The following SH3PXD2A variants were observed in gnomAD, a reference collection of about 807,000 sequenced individuals.
The protein encoded by SH3PXD2A is SH3 and PX domain-containing protein 2A.
In SH3PXD2A, 32 loss-of-function variants were observed where a neutral mutation model predicts 115.2. The observed-to-expected ratio is 0.28, with a 90% CI of 0.21 to 0.37. The LOEUF (loss-of-function observed/expected upper bound fraction) is 0.37. SH3PXD2A is among the 10% of genes least tolerant of loss of function. The probability of loss-of-function intolerance (pLI) is 1.00; values close to 1 mark genes in which losing one functional copy is unlikely to be tolerated. For missense variants in SH3PXD2A, 1,328 were observed against 1,498.7 expected (o/e 0.89, Z 1.88); for synonymous variants, 610 against 629.1 (o/e 0.97, Z 0.45).
At chr10:103,662,621 G>A (rs1200500512) in intron 7 of SH3PXD2A, among the ~76,000 whole-genome samples, 1 of 150,666 alleles carries the variant, frequency 6.6e-6, no homozygotes, top group South Asian at 2.1e-4. Context: ...GGATGGTCTC[G>A]ATCTCCTGAC....
chr10:103,631,490 T>G (rs1011858889), intron 8 of SH3PXD2A, among the ~76,000 whole-genome samples: 2 of 152,186 alleles, frequency 1.3e-5, no homozygotes, highest in Non-Finnish European at 2.9e-5. Context: ...GGGGGACTAC[T>G]GTATCTGGAG....
chr10:103,618,868 C>A (rs1206834328), intron 10 of SH3PXD2A, among the ~76,000 whole-genome samples: 1 of 152,174 alleles, frequency 6.6e-6, no homozygotes, highest in Non-Finnish European at 1.5e-5. Flanking sequence ...CACCCCAACC[C>A]CCAGCTGTGG....
intron 5 of SH3PXD2A, among the ~76,000 whole-genome samples, chr10:103,720,022 A>T (rs1251749633): frequency 6.6e-6 from 1 of 152,180 alleles, no homozygotes. Flanking sequence ...GCCCGGCCAC[A>T]CTAGGTAATT....
At chr10:103,795,423 A>T (rs1391521018) in intron 2 of SH3PXD2A, among the ~76,000 whole-genome samples, 1 of 152,158 alleles carries the variant, frequency 6.6e-6, no homozygotes, top group East Asian at 1.9e-4. Context: ...CCTGGTGCTC[A>T]TGGATGGATT....
intron 6 of SH3PXD2A, among the ~76,000 whole-genome samples, chr10:103,674,176 G>A (rs2037498664): frequency 6.6e-6 from 1 of 152,140 alleles, no homozygotes; most frequent in Non-Finnish European, 1.5e-5. Flanking sequence ...TTCTGGTTAG[G>A]AAACCAGGAA....
At chr10:103,694,321 G>C (rs1294370108) in intron 5 of SH3PXD2A, among the ~76,000 whole-genome samples, 1 of 152,204 alleles carries the variant, frequency 6.6e-6, no homozygotes, top group African/African-American at 2.4e-5. Context: ...TCTCTTGGAG[G>C]AAGAGGCAGC....
At chr10:103,778,957 A>G (rs1308512654) in intron 2 of SH3PXD2A, among the ~76,000 whole-genome samples, 2 of 152,220 alleles carry the variant, frequency 1.3e-5, no homozygotes, top group African/African-American at 4.8e-5. Context: ...AGCTAGTGAC[A>G]AAAGGAGTCA....
chr10:103,692,337 C>G (rs551979919), intron 6 of SH3PXD2A, among the ~76,000 whole-genome samples: 6 of 152,230 alleles, frequency 3.9e-5, no homozygotes, highest in African/African-American at 4.8e-5. Flanking sequence ...GCCTCCACCC[C>G]CTTCCAAACT....
chr10:103,826,878 G>A (rs950494450), intron 1 of SH3PXD2A, among the ~76,000 whole-genome samples: 23 of 152,186 alleles, frequency 1.5e-4, no homozygotes, highest in African/African-American at 5.3e-4. Context: ...CATAAGGTTG[G>A]CAAAGGGTAG....
In SH3PXD2A at chr10:103,855,302, TCACCTTCTCA is replaced by T; in HGVS notation, c.-46_-37del. The T allele has an allele frequency of 1.3e-6, 2 of 1,485,340 alleles. No homozygotes were observed. Among genetic ancestry groups the T allele is most frequent in the Non-Finnish European group, 1.8e-6 (2 of 1,106,320 alleles). 92.0% of individuals were successfully genotyped at this position (1,485,340 alleles called of 1,614,324 possible). A position where few individuals can be genotyped will look rare whatever the true frequency, so the allele number is the denominator to read the frequency against. On this transcript the variant is annotated 5_prime_UTR_variant, in exon 1 of 15. The change abolishes an upstream ATG in the 5' untranslated region. Coordinates refer to ENST00000369774, the MANE Select transcript of SH3PXD2A (RefSeq NM_001394015.1). ...AAAGCGAGTGGCGCCCCCGGCGGCG[TCACCTTCTCA>T]TCCCGGCCGGGCTCCGGCTCCTTCT...
intron 4 of SH3PXD2A, among the ~76,000 whole-genome samples, chr10:103,726,230 TC>T (rs1464757784): frequency 6.6e-6 from 1 of 152,118 alleles, no homozygotes; most frequent in Non-Finnish European, 1.5e-5. Context: ...CAGGACCCTG[TC>T]CCATACCCCT....
At chr10:103,794,323 A>C (rs887334793) in intron 2 of SH3PXD2A, among the ~76,000 whole-genome samples, 6 of 152,210 alleles carry the variant, frequency 3.9e-5, no homozygotes, top group African/African-American at 9.7e-5. Context: ...GGGGAAAATA[A>C]AGGGCCTCTC....
At chr10:103,751,026 G>C (rs530257395) in intron 3 of SH3PXD2A, among the ~76,000 whole-genome samples, 19 of 152,218 alleles carry the variant, frequency 1.2e-4, no homozygotes, top group Non-Finnish European at 2.1e-4. Flanking sequence ...AGCTGTCTCA[G>C]CTCCAGGCAT....
chr10:103,818,942 G>C (rs185174597), intron 1 of SH3PXD2A, among the ~76,000 whole-genome samples: 1 of 152,158 alleles, frequency 6.6e-6, no homozygotes, highest in Non-Finnish European at 1.5e-5. Flanking sequence ...ATGCCTGACC[G>C]TTCCCCCAAC....
At chr10:103,606,102 G>A (rs952970892) in intron 13 of SH3PXD2A, among the ~76,000 whole-genome samples, 185 bp from the exon 14 acceptor site, 1 of 152,066 alleles carries the variant, frequency 6.6e-6, no homozygotes, top group Non-Finnish European at 1.5e-5. Context: ...GGACTACTCT[G>A]ATGAGGCTTT....
At chr10:103,661,801 G>T (rs2037309021) in intron 7 of SH3PXD2A, 1 of 985,166 alleles carries the variant, frequency 1.0e-6, no homozygotes, top group Admixed American at 6.1e-5. Flanking sequence ...GAGACCCGTC[G>T]AATGAGGAGC....
chr10:103,836,688 C>CACACAA (rs1205567926), intron 1 of SH3PXD2A, among the ~76,000 whole-genome samples: 1 of 151,388 alleles, frequency 6.6e-6, no homozygotes, highest in African/African-American at 2.4e-5. Flanking sequence ...CATGTACACA[C>CACACAA]ACACACACAC....
chr10:103,801,855 C>T (rs2039151042), intron 1 of SH3PXD2A, among the ~76,000 whole-genome samples: 1 of 152,164 alleles, frequency 6.6e-6, no homozygotes, highest in Non-Finnish European at 1.5e-5. Context: ...AGGTGCCTGC[C>T]ACCATGCCTG....
intron 8 of SH3PXD2A, among the ~76,000 whole-genome samples, chr10:103,644,824 T>C (rs1335147215): frequency 1.3e-5 from 2 of 152,176 alleles, no homozygotes; most frequent in African/African-American, 2.4e-5. Flanking sequence ...TCCAATATTA[T>C]CCTCATGTTA....
Sources: allele counts gnomAD v4.1 joint callset (sites outside exome capture counted in the v4.1 genomes callset), GRCh38; gene constraint gnomAD v4.1.1; transcripts MANE v1.5; gene names NCBI Gene and HGNC (gene_info 2026-07-23, HGNC 2026-07-21).